Variants in FBXW7 observed in about 807,000 individuals in gnomAD.
FBXW7 encodes F-box and WD repeat domain containing 7.
A neutral mutation model predicts 86.3 loss-of-function variants in FBXW7; 11 were observed. The ratio of observed to expected loss-of-function variants is 0.13; its 90% CI spans 0.08 to 0.21. The LOEUF (loss-of-function observed/expected upper bound fraction) is 0.21. Ranked by LOEUF, FBXW7 falls within the 10% of genes least tolerant of loss-of-function variation. FBXW7 has a pLI of 1.00. For missense variants in FBXW7, 488 were observed against 847.4 expected (o/e 0.58, Z 5.27); for synonymous variants, 313 against 297.9 (o/e 1.05, Z -0.52).
At chr4:152,473,178 A>G (rs1273894116) in intron 2 of FBXW7, among the ~76,000 whole-genome samples, 1 of 152,208 alleles carries the variant, frequency 6.6e-6, no homozygotes, top group Non-Finnish European at 1.5e-5. Flanking sequence ...CAGGAGGTGA[A>G]GGCTACAGTG....
chr4:152,410,588 C>T (rs1056404664), intron 4 of FBXW7, among the ~76,000 whole-genome samples: 2 of 152,082 alleles, frequency 1.3e-5, no homozygotes, highest in Non-Finnish European at 2.9e-5. Flanking sequence ...TATTATTAAT[C>T]CAAGTGTGTA....
intron 4 of FBXW7, chr4:152,352,929 T>C (rs1300739480): frequency 1.4e-6 from 2 of 1,416,500 alleles, no homozygotes; most frequent in African/African-American, 1.4e-5. Context: ...ACATCAATTA[T>C]ATGGTGATCC....
chr4:152,535,344 G>A lies in FBXW7; in HGVS notation c.-430C>T. The stretch of plus-strand genomic sequence containing the variant: ...CTCTAGGAACTCCTCCCGGAGTCCA[G>A]CCAAGGAGCCGGGGGGCCGGCGACT... On this transcript the variant is annotated 5_prime_UTR_variant, in exon 1 of 14. Transcript: ENST00000281708. The A allele has an allele frequency of 5.5e-6, 2 of 360,656 alleles. No individual in the cohort carries two copies. Among genetic ancestry groups the A allele is most frequent in the Non-Finnish European group, 9.9e-6 (2 of 202,194 alleles). 22.3% of individuals were successfully genotyped at this position (360,656 alleles called of 1,614,324 possible).
intron 2 of FBXW7, among the ~76,000 whole-genome samples, chr4:152,524,345 TAG>T (rs1306124498): frequency 6.6e-6 from 1 of 152,098 alleles, no homozygotes; most frequent in Non-Finnish European, 1.5e-5. Context: ...GCTAGCGAAA[TAG>T]AGTCAATGAG....
rs565673163 is a variant in FBXW7, at chr4:152,445,242, T to A, written c.-119-32713A>T. ...GAACAAATCATTTCTTATTCAAGAC[T>A]AAAAAAATTAGGTAATCATTTATAT... On this transcript the variant is annotated intron_variant, in intron 2 of 13. Coordinates refer to ENST00000281708, the MANE Select transcript of FBXW7 (RefSeq NM_001349798.2). Among the ~76,000 whole-genome samples, 24 of 152,278 alleles carry A rather than the reference T, an allele frequency of 1.6e-4. No homozygotes were observed. In the South Asian group the frequency reaches 5.0e-3, roughly 32 times the overall value.
chr4:152,336,816 C>T (rs1013059424), intron 7 of FBXW7, among the ~76,000 whole-genome samples: 4 of 151,932 alleles, frequency 2.6e-5, no homozygotes, highest in African/African-American at 9.7e-5. Context: ...CTATTTTATT[C>T]GTATCCAACG....
At chr4:152,484,558 C>G (rs906246519) in intron 2 of FBXW7, among the ~76,000 whole-genome samples, 2 of 152,174 alleles carry the variant, frequency 1.3e-5, no homozygotes, top group African/African-American at 4.8e-5. Context: ...AACTGCAGAA[C>G]AACTTACATG....
At chr4:152,329,340 G>T (rs1729342097) in intron 10 of FBXW7, among the ~76,000 whole-genome samples, 2 of 151,858 alleles carry the variant, frequency 1.3e-5, no homozygotes, top group Admixed American at 6.6e-5. Flanking sequence ...ACAAAGTAAT[G>T]AGGTATAACT....
At chr4:152,333,103 C>A (rs1729722268) in intron 7 of FBXW7, among the ~76,000 whole-genome samples, 1 of 152,162 alleles carries the variant, frequency 6.6e-6, no homozygotes, top group African/African-American at 2.4e-5. Flanking sequence ...AAATGCTTCC[C>A]TGACAGATAA....
At chr4:152,506,469 T>C (rs185293949) in intron 2 of FBXW7, among the ~76,000 whole-genome samples, 256 of 152,304 alleles carry the variant, frequency 1.7e-3, no homozygotes, top group Non-Finnish European at 2.6e-3. Context: ...TGCAGAAGAT[T>C]TGTGTACACC....
intron 2 of FBXW7, among the ~76,000 whole-genome samples, chr4:152,438,951 C>T (rs575658354): frequency 1.2e-4 from 19 of 152,210 alleles, no homozygotes; most frequent in Non-Finnish European, 1.8e-4. Context: ...TTAGTTCATT[C>T]ATTCATCATT....
chr4:152,481,873 G>C (rs937275946), intron 2 of FBXW7, among the ~76,000 whole-genome samples: 1 of 152,174 alleles, frequency 6.6e-6, no homozygotes, highest in Non-Finnish European at 1.5e-5. Context: ...TCTTTAGATG[G>C]AATCCACTTT....
Position 152,347,075 on chromosome 4 carries a change from CAAAAA to C in FBXW7, c.585-9_585-5del. 7.8e-7 allele frequency: 1 copy of C among 1,277,084 alleles called. No individual in the cohort carries two copies. The highest frequency in any genetic ancestry group is 1.0e-6 in the Non-Finnish European group (1 of 980,460). The allele number at this position is 1,277,084 out of a possible 1,614,324, so 79.1% of individuals were successfully genotyped here. A position where few individuals can be genotyped will look rare whatever the true frequency, so the allele number is the denominator to read the frequency against. ...ACATGGTACAAGCCCAGTGGTACTA[CAAAAA>C]AAAAAAAAAGAGAGAGAGAAAGGAT... On this transcript the variant is annotated splice_polypyrimidine_tract_variant and splice_region_variant and intron_variant, in intron 5 of 13. Transcript: ENST00000281708.
In FBXW7 at chr4:152,489,379, A is replaced by C. The variant is rs555611173; in HGVS notation, c.-120+45562T>G. ...AGCTCTTATTTTCAATAACTTCAGA[A>C]TACATAAAGCTTTTGGTAATTCAGG... is the stretch of plus-strand genomic sequence containing the variant. On this transcript the variant is annotated intron_variant, in intron 2 of 13. Coordinates refer to ENST00000281708, the MANE Select transcript of FBXW7 (RefSeq NM_001349798.2). 4.6e-5 allele frequency: 7 copies of C among 153,332 alleles called. No individual in the cohort carries two copies. In the East Asian group the frequency reaches 7.7e-4, roughly 17 times the overall value. 9.5% of individuals were successfully genotyped at this position (153,332 alleles called of 1,614,324 possible). A position where few individuals can be genotyped will look rare whatever the true frequency, so the allele number is the denominator to read the frequency against.
At chr4:152,463,440 T>C (rs111300965) in intron 2 of FBXW7, among the ~76,000 whole-genome samples, 33 of 152,306 alleles carry the variant, frequency 2.2e-4, no homozygotes, top group African/African-American at 7.7e-4. Flanking sequence ...AAAAATGTCA[T>C]CTTCCTCATT....
intron 2 of FBXW7, among the ~76,000 whole-genome samples, chr4:152,469,847 T>C (rs1743792456): frequency 6.6e-6 from 1 of 152,124 alleles, no homozygotes; most frequent in South Asian, 2.1e-4. Context: ...ATTATAACTA[T>C]AATTTACACT....
At chr4:152,364,222 G>A (rs1733253614) in intron 4 of FBXW7, among the ~76,000 whole-genome samples, 1 of 152,098 alleles carries the variant, frequency 6.6e-6, no homozygotes, top group Non-Finnish European at 1.5e-5. Flanking sequence ...TGGGCATACT[G>A]GAAGAAACAC....
intron 2 of FBXW7, among the ~76,000 whole-genome samples, chr4:152,440,340 G>C (rs1740774230): frequency 6.6e-6 from 1 of 152,110 alleles, no homozygotes; most frequent in South Asian, 2.1e-4. Flanking sequence ...AAATCTCAAA[G>C]TATTAAGGAG....
chr4:152,534,383 G>T (rs1750284536), intron 2 of FBXW7, among the ~76,000 whole-genome samples: 1 of 152,070 alleles, frequency 6.6e-6, no homozygotes, highest in African/African-American at 2.4e-5. Context: ...ACTGACATCT[G>T]TTACAGTGTC....
Sources: allele counts gnomAD v4.1 joint callset (sites outside exome capture counted in the v4.1 genomes callset), GRCh38; gene constraint gnomAD v4.1.1; transcripts MANE v1.5; gene names NCBI Gene and HGNC (gene_info 2026-07-23, HGNC 2026-07-21).